ROBO2: variants seen among roughly 807,000 people sequenced by gnomAD.
ROBO2 encodes the protein roundabout homolog 2.
ROBO2 carries 53 observed loss-of-function variants against 160.8 expected under a neutral mutation model. The ratio of observed to expected loss-of-function variants is 0.33; its 90% CI spans 0.26 to 0.41. ROBO2 has a LOEUF of 0.41. Ranked by LOEUF, ROBO2 falls within the 10% of genes least tolerant of loss-of-function variation. ROBO2 has a pLI of 1.00. For synonymous variants in ROBO2, 664 were observed against 611.7 expected, an observed-to-expected ratio of 1.09 and a Z score of -1.26; for missense variants, 1,577 against 1,722.4, an observed-to-expected ratio of 0.92 and a Z score of 1.49.
chr3:77,454,956 C>G (rs1560881323), intron 2 of ROBO2, among the ~76,000 whole-genome samples: 2 of 152,104 alleles, frequency 1.3e-5, no homozygotes, highest in Admixed American at 1.3e-4. Context: ...AGTCTACCAT[C>G]TCCTGGGTGT....
chr3:76,307,143 G>A (rs2071370739), intron 2 of ROBO2, among the ~76,000 whole-genome samples: 1 of 152,172 alleles, frequency 6.6e-6, no homozygotes, highest in Admixed American at 6.5e-5. Flanking sequence ...GAAGGGGACA[G>A]GCTTTCTTTC....
At chr3:76,360,481 G>A (rs2075444425) in intron 2 of ROBO2, among the ~76,000 whole-genome samples, 1 of 152,028 alleles carries the variant, frequency 6.6e-6, no homozygotes, top group South Asian at 2.1e-4. Flanking sequence ...TACATGTGTA[G>A]GAATAGCAAA....
At chr3:76,120,978 A>T (rs1391380187) in intron 2 of ROBO2, among the ~76,000 whole-genome samples, 1 of 152,184 alleles carries the variant, frequency 6.6e-6, no homozygotes, top group African/African-American at 2.4e-5. Context: ...ATAAATAATT[A>T]AAATTTTTTT....
At chr3:76,473,143 G>A (rs1278612845) in intron 2 of ROBO2, among the ~76,000 whole-genome samples, 1 of 151,942 alleles carries the variant, frequency 6.6e-6, no homozygotes, top group Non-Finnish European at 1.5e-5. Context: ...TGACTCCCAC[G>A]GGCATTTACA....
chr3:76,158,828 G>A (rs549493511), intron 2 of ROBO2, among the ~76,000 whole-genome samples: 1 of 152,144 alleles, frequency 6.6e-6, no homozygotes, highest in Non-Finnish European at 1.5e-5. Context: ...CTATCATGGG[G>A]CATTCTATTA....
chr3:76,604,799 A>G (rs564771432), intron 2 of ROBO2, among the ~76,000 whole-genome samples: 4 of 152,290 alleles, frequency 2.6e-5, no homozygotes, highest in South Asian at 2.1e-4. Flanking sequence ...ATGTATAGTT[A>G]GAGATTTCAC....
chr3:77,207,287 T>G, intron 2 of ROBO2, among the ~76,000 whole-genome samples: 1 of 152,016 alleles, frequency 6.6e-6, no homozygotes, highest in South Asian at 2.1e-4. Flanking sequence ...TTTTTCTATC[T>G]ATTTTAGTTA....
intron 21 of ROBO2, 75 bp from the exon 23 acceptor site, chr3:77,617,438 T>C (rs971841190): frequency 6.5e-6 from 10 of 1,542,258 alleles, no homozygotes; most frequent in African/African-American, 5.4e-5. Flanking sequence ...TTGCTACTTA[T>C]TGCCAGTATA....
chr3:77,549,492 A>C (rs189470637), intron 7 of ROBO2, among the ~76,000 whole-genome samples: 5 of 152,158 alleles, frequency 3.3e-5, no homozygotes, highest in Admixed American at 3.3e-4. Flanking sequence ...ATTTTATAAG[A>C]GGTCAATAGC....
chr3:76,161,163 G>A (rs2072619518), intron 2 of ROBO2, among the ~76,000 whole-genome samples: 1 of 151,054 alleles, frequency 6.6e-6, no homozygotes. Context: ...CCTTAATCAA[G>A]ACCACTTAGT....
chr3:76,777,575 G>GT (rs1315243299), intron 2 of ROBO2, among the ~76,000 whole-genome samples: 2 of 150,284 alleles, frequency 1.3e-5, no homozygotes, highest in East Asian at 4.0e-4. Context: ...TTAACAAAAC[G>GT]TTTTTTCTAT....
At chr3:76,530,838 G>A (rs775996805) in intron 2 of ROBO2, among the ~76,000 whole-genome samples, 1 of 152,118 alleles carries the variant, frequency 6.6e-6, no homozygotes, top group Non-Finnish European at 1.5e-5. Context: ...TAACAAGGCT[G>A]GCTTCTGGTG....
intron 2 of ROBO2, among the ~76,000 whole-genome samples, chr3:76,272,125 C>T (rs1307639859): frequency 6.6e-6 from 1 of 151,916 alleles, no homozygotes; most frequent in Non-Finnish European, 1.5e-5. Context: ...TTATTATTGC[C>T]TGAGGAGAAA....
At chr3:76,682,846 T>A (rs919354192) in intron 2 of ROBO2, among the ~76,000 whole-genome samples, 1 of 152,188 alleles carries the variant, frequency 6.6e-6, no homozygotes, top group South Asian at 2.1e-4. Context: ...CGTGTTAGGT[T>A]GAAGATATCT....
chr3:76,886,253 C>CAAAA (rs367823351), intron 2 of ROBO2, among the ~76,000 whole-genome samples: 1 of 141,010 alleles, frequency 7.1e-6, no homozygotes, highest in African/African-American at 2.8e-5. Flanking sequence ...TAACCAATTC[C>CAAAA]AAAAAAATAT....
intron 2 of ROBO2, among the ~76,000 whole-genome samples, chr3:76,248,302 T>C (rs1705751699): frequency 6.6e-6 from 1 of 152,068 alleles, no homozygotes; most frequent in Non-Finnish European, 1.5e-5. Flanking sequence ...CATGGAATAC[T>C]ATGCAGCCAT....
intron 2 of ROBO2, among the ~76,000 whole-genome samples, chr3:76,757,113 C>T (rs1253751678): frequency 6.6e-6 from 1 of 151,772 alleles, no homozygotes; most frequent in Admixed American, 6.6e-5. Flanking sequence ...TTTATGCATA[C>T]ACCAGCTCAG....
intron 2 of ROBO2, among the ~76,000 whole-genome samples, chr3:76,683,414 C>T (rs1431288707): frequency 1.4e-4 from 20 of 142,844 alleles, no homozygotes; most frequent in African/African-American, 2.6e-4. Flanking sequence ...TATGATTCAG[C>T]GCAATATAGA....
chr3:77,637,845 T>A (rs2095289795), intron 24 of ROBO2, among the ~76,000 whole-genome samples: 1 of 152,196 alleles, frequency 6.6e-6, no homozygotes, highest in South Asian at 2.1e-4. Flanking sequence ...GCAAGCTTTT[T>A]TAGAATGTTT....
Sources: allele counts gnomAD v4.1 joint callset (sites outside exome capture counted in the v4.1 genomes callset), GRCh38; gene constraint gnomAD v4.1.1; transcripts MANE v1.5; gene names NCBI Gene and HGNC (gene_info 2026-07-23, HGNC 2026-07-21).